Variants in RACK1 observed in about 807,000 individuals in gnomAD.
The protein encoded by RACK1 is small ribosomal subunit protein RACK1.
A neutral mutation model predicts 42.2 loss-of-function variants in RACK1; 3 were observed. The ratio of observed to expected loss-of-function variants is 0.07; its 90% confidence interval spans 0.03 to 0.18. The LOEUF (loss-of-function observed/expected upper bound fraction) is 0.18. RACK1 is among the 10% of genes least tolerant of loss of function. RACK1 has a pLI of 1.00. For missense variants in RACK1, 146 were observed against 403.2 expected, an observed-to-expected ratio of 0.36 and a Z score of 5.46; for synonymous variants, 181 against 154.8, an observed-to-expected ratio of 1.17 and a Z score of -1.25.
At chr5:181,237,533 G>A (rs766107248) in intron 7 of RACK1, 76 bp downstream of exon 7, 16 of 835,864 alleles carry the variant, frequency 1.9e-5, no homozygotes, top group Admixed American at 3.5e-5. Flanking sequence ...GTGTCTGACA[G>A]ACTAGATATA....
intron 5 of RACK1, chr5:181,238,663 G>C (rs753831254): frequency 1.1e-5 from 4 of 358,556 alleles, no homozygotes; most frequent in East Asian, 7.5e-5. Flanking sequence ...TTACCCAGGA[G>C]TGATGGCGGG....
At chr5:181,241,745 C>G (rs1759353453) in intron 2 of RACK1, 106 bp from the exon 3 acceptor site, 1 of 1,258,810 alleles carries the variant, frequency 7.9e-7, no homozygotes, top group African/African-American at 1.5e-5. Flanking sequence ...ACTCATACAA[C>G]CCTGGATTTG....
At position 181,241,445 on chromosome 5, in the gene RACK1, C is replaced by CAAAAAAAAAAAAAAAAAAAAAAA. The variant is rs747923720; in HGVS notation, c.429+46_429+47insTTTTTTTTTTTTTTTTTTTTTTT. ...TGTCGCCAAAAAAAAAAAAAAAAAGCAAAGTTTAAGAGGGTGGAAGAGATC... is the reference window on the plus strand; with the variant it reads ...TGTCGCCAAAAAAAAAAAAAAAAAGCAAAAAAAAAAAAAAAAAAAAAAAAAAGTTTAAGAGGGTGGAAGAGATC... On this transcript the variant is annotated intron_variant, in intron 3 of 7. Transcript: ENST00000512805. 7.4e-6 allele frequency: 9 copies of CAAAAAAAAAAAAAAAAAAAAAAA among 1,209,766 alleles called. No homozygotes were observed. In the African/African-American group the frequency reaches 1.5e-4, roughly 20 times the overall value. The allele number at this position is 1,209,766 out of a possible 1,614,324, so 74.9% of individuals were successfully genotyped here. A position where few individuals can be genotyped will look rare whatever the true frequency, so the allele number is the denominator to read the frequency against.
intron 4 of RACK1, 64 bp from the exon 5 acceptor site, chr5:181,239,241 C>CA: frequency 9.2e-7 from 1 of 1,082,578 alleles, no homozygotes; most frequent in Non-Finnish European, 1.4e-6. Context: ...TCAGGCCCAA[C>CA]AAAAAAGGGC....
In RACK1 at chr5:181,237,360, G is replaced by GAA. The variant is rs1362127328; in HGVS notation, c.888+247_888+248dup. 21 of 705,682 alleles carry GAA rather than the reference G, an allele frequency of 3.0e-5. No homozygotes were observed. The African/African-American group carries it at 3.5e-4, about 12-fold the overall frequency. The allele number at this position is 705,682 out of a possible 1,614,324, so 43.7% of individuals were successfully genotyped here. On this transcript the variant is annotated intron_variant, in intron 7 of 7. Coordinates refer to ENST00000512805, the MANE Select transcript of RACK1 (RefSeq NM_006098.5). ...GCTGGTGATAAGGCTCCAGACATTT[G>GAA]AAAACTGGTCAGATTAATTAAGGTA...
chr5:181,238,320 C>A, intron 5 of RACK1, 81 bp from the exon 6 acceptor site: 1 of 1,428,728 alleles, frequency 7.0e-7, no homozygotes, highest in South Asian at 1.2e-5. Context: ...CTGTCAGAAT[C>A]AATTCTTACC....
Position 181,238,153 on chromosome 5 carries a change from G to A in RACK1, c.723C>T (p.Phe241=). Reference sequence around the variant, plus strand: ...CACACAGCCAGTAGCGGTTAGGGCTGAAGCACAGGGCGTTGATGATGTCCC... The same window carrying A: ...CACACAGCCAGTAGCGGTTAGGGCTAAAGCACAGGGCGTTGATGATGTCCC... ...DGGDIINALC[F]SPNRYWLCAA... is the part of the protein sequence containing the mutation. The change falls in exon 6 of 8, where the codon TTC becomes TTT. Residue 241 remains phenylalanine, a synonymous_variant. Coordinates refer to ENST00000512805, the MANE Select transcript of RACK1 (RefSeq NM_006098.5). 6.2e-7 allele frequency: 1 copy of A among 1,614,176 alleles called. No individual in the cohort carries two copies. Among genetic ancestry groups the A allele is most frequent in the Non-Finnish European group, 8.5e-7 (1 of 1,180,028 alleles).
At chr5:181,239,611 A>G (rs375472320) in intron 3 of RACK1, 29 bp from the exon 4 acceptor site, 2 of 1,424,210 alleles carry the variant, frequency 1.4e-6, no homozygotes, top group Non-Finnish European at 2.0e-6. Flanking sequence ...AAATTAGGGC[A>G]AACAGTCCTA....
At position 181,241,482 on chromosome 5, in the gene RACK1, C is replaced by T. The variant is rs1219008019; in HGVS notation, c.429+10G>A. 1.3e-6 allele frequency: 2 copies of T among 1,590,094 alleles called. No homozygotes were observed. Among genetic ancestry groups the T allele is most frequent in the African/African-American group, 2.8e-5 (2 of 72,386 alleles). On this transcript the variant is annotated intron_variant, in intron 3 of 7. Coordinates refer to ENST00000512805, the MANE Select transcript of RACK1 (RefSeq NM_006098.5). ...GGGTGGAAGAGATCCTTGGAGATGGCTCACTTTACCTGGACAGTGTATTTG... is the reference window on the plus strand; with the variant it reads ...GGGTGGAAGAGATCCTTGGAGATGGTTCACTTTACCTGGACAGTGTATTTG...
intron 5 of RACK1, 83 bp from the exon 6 acceptor site, chr5:181,238,322 A>G (rs533588663): frequency 4.2e-6 from 6 of 1,429,482 alleles, no homozygotes; most frequent in Admixed American, 3.5e-5. Flanking sequence ...GTCAGAATCA[A>G]TTCTTACCTT....
intron 5 of RACK1, chr5:181,238,821 AAACAAAAAAAC>A (rs978149424): frequency 7.6e-5 from 36 of 476,140 alleles, no homozygotes; most frequent in South Asian, 7.2e-4. Flanking sequence ...AAAAACAAAC[AAACAAAAAAAC>A]AACAAAAAAA....
intron 1 of RACK1, chr5:181,243,272 T>C (rs748419692): frequency 2.2e-6 from 3 of 1,355,020 alleles, no homozygotes; most frequent in Admixed American, 1.9e-5. Flanking sequence ...CGAGGTCCTC[T>C]GGAGTCCACC....
chr5:181,237,727 A>G lies in RACK1; in HGVS notation c.778-8T>C, dbSNP rs1379390426. The G allele has an allele frequency of 5.5e-6, 8 of 1,465,880 alleles. No homozygotes were observed. The highest frequency in any genetic ancestry group is 7.6e-6 in the Non-Finnish European group (8 of 1,048,686). 90.8% of individuals were successfully genotyped at this position (1,465,880 alleles called of 1,614,324 possible). A position where few individuals can be genotyped will look rare whatever the true frequency, so the allele number is the denominator to read the frequency against. ...GATCTTTCCCTCTAAATCCTGGGGA[A>G]CAGGGCAAAAGCAACCTTAAGACTT... On this transcript the variant is annotated splice_polypyrimidine_tract_variant and splice_region_variant and intron_variant, in intron 6 of 7. Transcript: ENST00000512805.
At chr5:181,242,544 T>C in intron 1 of RACK1, 199 bp from the exon 2 acceptor site, 1 of 678,566 alleles carries the variant, frequency 1.5e-6, no homozygotes, top group Non-Finnish European at 2.7e-6. Context: ...CACGTAGAGG[T>C]AAACTGTACC....
Position 181,237,601 on chromosome 5 carries a change from C to A in RACK1, c.888+8G>T. On this transcript the variant is annotated splice_region_variant and intron_variant, in intron 7 of 7. Coordinates refer to ENST00000512805, the MANE Select transcript of RACK1 (RefSeq NM_006098.5). Reference sequence around the variant, plus strand: ...AGCAGAATCACCTGAGAGGACAGACCCACTTACCTGGCCATCAGCAGACCA... The same window carrying A: ...AGCAGAATCACCTGAGAGGACAGACACACTTACCTGGCCATCAGCAGACCA... 2 of 1,458,756 alleles carry A rather than the reference C, an allele frequency of 1.4e-6. No individual in the cohort carries two copies. Among genetic ancestry groups the A allele is most frequent in the Non-Finnish European group, 1.9e-6 (2 of 1,037,854 alleles). The allele number at this position is 1,458,756 out of a possible 1,614,324, so 90.4% of individuals were successfully genotyped here.
At chr5:181,243,342 C>A in intron 1 of RACK1, 1 of 1,373,166 alleles carries the variant, frequency 7.3e-7, no homozygotes, top group South Asian at 1.1e-5. Flanking sequence ...GATTTCAGCA[C>A]CGACACTCAG....
chr5:181,237,117 CTTT>C lies in RACK1; in HGVS notation c.889-78_889-76del. The C allele has an allele frequency of 9.4e-6, 15 of 1,597,052 alleles. 1 individual carries two copies. Among genetic ancestry groups the C allele is most frequent in the Non-Finnish European group, 1.1e-5 (13 of 1,171,336 alleles). ...GTCTCACTAGATTCAGCCCAAGTGGCTTTTTTTGAGATCCGTCCACCTTGCTCC... is the reference window on the plus strand; with the variant it reads ...GTCTCACTAGATTCAGCCCAAGTGGCTTTTGAGATCCGTCCACCTTGCTCC... On this transcript the variant is annotated intron_variant, in intron 7 of 7. Transcript: ENST00000512805.
intron 2 of RACK1, 113 bp downstream of exon 2, chr5:181,242,061 C>T (rs1759367089): frequency 1.0e-6 from 1 of 955,574 alleles, no homozygotes; most frequent in Non-Finnish European, 1.6e-6. Context: ...GTGTGCTCTG[C>T]TTTCCAGTTC....
chr5:181,237,943 C>T, intron 6 of RACK1, 156 bp downstream of exon 6: 1 of 747,596 alleles, frequency 1.3e-6, no homozygotes, highest in Non-Finnish European at 2.3e-6. Flanking sequence ...TACAGGACTG[C>T]ACACCACAAC....
Sources: gnomAD v4.1 joint callset for allele counts on GRCh38, gnomAD v4.1.1 for gene constraint, MANE v1.5 for transcripts, NCBI Gene and HGNC (gene_info 2026-07-23, HGNC 2026-07-21) for gene names.